The following EDC3 variants were observed in gnomAD, a reference collection of about 807,000 sequenced individuals.
EDC3 encodes the protein enhancer of mRNA-decapping protein 3.
Under a neutral mutation model 41.8 loss-of-function variants are expected in EDC3, and 20 were observed. The ratio of observed to expected loss-of-function variants is 0.48; its 90% confidence interval spans 0.34 to 0.70. The LOEUF (loss-of-function observed/expected upper bound fraction) is 0.70, where lower values mean the gene tolerates loss of function less well. Among genes scored for constraint, EDC3 ranks in the 30% least tolerant of loss-of-function variants. EDC3 has a pLI of 0.01. For synonymous variants in EDC3, 206 were observed against 243.2 expected (o/e 0.85, Z 1.42); for missense variants, 444 against 636.8 (o/e 0.70, Z 3.26).
intron 3 of EDC3, among the ~76,000 whole-genome samples, chr15:74,656,402 TCAAAA>T (rs1169094450): frequency 9.9e-6 from 1 of 100,582 alleles, no homozygotes; most frequent in African/African-American, 3.9e-5. Context: ...AGAATCTGTC[TCAAAA>T]CACACACACA....
chr15:74,655,335 G>GT (rs1325819003), intron 4 of EDC3, among the ~76,000 whole-genome samples: 3 of 152,082 alleles, frequency 2.0e-5, no homozygotes, highest in South Asian at 2.1e-4. Flanking sequence ...ATCTTCAACT[G>GT]TTTTTTTGCA....
chr15:74,662,430 T>C (rs570709728), intron 3 of EDC3, among the ~76,000 whole-genome samples: 37 of 147,064 alleles, frequency 2.5e-4, no homozygotes, highest in African/African-American at 9.2e-4. Flanking sequence ...TATATATATA[T>C]ATATATTTTT....
Position 74,635,161 on chromosome 15 carries a change from G to C in EDC3, c.1192+248C>G, listed in dbSNP as rs777820138. 4.4e-6 allele frequency: 3 copies of C among 681,252 alleles called. No homozygotes were observed. The South Asian group carries it at 4.5e-5, about 10-fold the overall frequency. The allele number at this position is 681,252 out of a possible 1,614,324, so 42.2% of individuals were successfully genotyped here. On this transcript the variant is annotated intron_variant, in intron 6 of 6. Transcript: ENST00000315127. ...GTTGCCATATCCCTAGCATCAGGAAGAGTGCCTGTTCAACGAATATTTGTG... is the reference window on the plus strand; with the variant it reads ...GTTGCCATATCCCTAGCATCAGGAACAGTGCCTGTTCAACGAATATTTGTG...
rs1336561505 is a variant in EDC3 at position 74,631,836 on chromosome 15, G to C, written c.*776C>G. Reference sequence around the variant, plus strand: ...CTCAACCTGCTCAGCTTTGAGGGTGGGGGCGGGCACTGCTGGCAAGATGGG... The same window carrying C: ...CTCAACCTGCTCAGCTTTGAGGGTGCGGGCGGGCACTGCTGGCAAGATGGG... On this transcript the variant is annotated 3_prime_UTR_variant, in exon 7 of 7. Transcript: ENST00000315127. The C allele has an allele frequency of 6.5e-6, 1 of 152,954 alleles. No homozygotes were observed. The highest frequency in any genetic ancestry group is 1.5e-5 in the Non-Finnish European group (1 of 68,416). 9.5% of individuals were successfully genotyped at this position (152,954 alleles called of 1,614,324 possible). A position where few individuals can be genotyped will look rare whatever the true frequency, so the allele number is the denominator to read the frequency against.
chr15:74,633,139 T>C (rs796935241), intron 6 of EDC3, among the ~76,000 whole-genome samples, 193 bp from the exon 7 acceptor site: 3 of 152,326 alleles, frequency 2.0e-5, no homozygotes, highest in African/African-American at 7.2e-5. Context: ...GGCTGAGTGC[T>C]AGAGACCAAG....
At chr15:74,673,440 G>A (rs1387562059) in intron 2 of EDC3, among the ~76,000 whole-genome samples, 4 of 152,084 alleles carry the variant, frequency 2.6e-5, no homozygotes, top group African/African-American at 4.8e-5. Context: ...AAAACATAAC[G>A]AGATTAGCTC....
intron 1 of EDC3, chr15:74,679,672 C>A (rs142287363): frequency 0.054 from 7,994 of 148,408 alleles, 290 homozygotes; most frequent in Non-Finnish European, 0.077. Context: ...GTAATCCCAG[C>A]ACTTTGAGAG....
At chr15:74,633,696 G>T (rs112202404) in intron 6 of EDC3, among the ~76,000 whole-genome samples, 1 of 152,222 alleles carries the variant, frequency 6.6e-6, no homozygotes, top group African/African-American at 2.4e-5. Context: ...CTTAATGGTC[G>T]TTGAGACTTG....
chr15:74,631,064 G>C lies in EDC3; in HGVS notation c.*1548C>G, dbSNP rs752663211. 6.6e-6 allele frequency: 1 copy of C among 152,262 alleles called. No homozygotes were observed. The highest frequency in any genetic ancestry group is 1.5e-5 in the Non-Finnish European group (1 of 68,078). The allele number at this position is 152,262 out of a possible 1,614,324, so 9.4% of individuals were successfully genotyped here. A position where few individuals can be genotyped will look rare whatever the true frequency, so the allele number is the denominator to read the frequency against. Reference sequence around the variant, plus strand: ...AGGCTCAGAGAATACACAGCACAAGGGTTACAGTCCCTGGCCTCTTCCCAT... The same window carrying C: ...AGGCTCAGAGAATACACAGCACAAGCGTTACAGTCCCTGGCCTCTTCCCAT... On this transcript the variant is annotated 3_prime_UTR_variant, in exon 7 of 7. Coordinates refer to ENST00000315127, the MANE Select transcript of EDC3 (RefSeq NM_025083.5).
Position 74,632,397 on chromosome 15 carries a change from C to G in EDC3, c.*215G>C. Reference sequence around the variant, plus strand: ...GGTAGAGATGCCTGGAGTTGCTGCACGCTCAGCCTGCCACCCAGCCCGGAA... The same window carrying G: ...GGTAGAGATGCCTGGAGTTGCTGCAGGCTCAGCCTGCCACCCAGCCCGGAA... On this transcript the variant is annotated 3_prime_UTR_variant, in exon 7 of 7. Transcript: ENST00000315127. The surrounding 1 kb of genome is among the most constrained non-coding windows in gnomAD (Gnocchi z 4.0). 1.6e-6 allele frequency: 1 copy of G among 611,796 alleles called. No individual in the cohort carries two copies. The highest frequency in any genetic ancestry group is 2.8e-6 in the Non-Finnish European group (1 of 352,736). 37.9% of individuals were successfully genotyped at this position (611,796 alleles called of 1,614,324 possible).
In EDC3 at chr15:74,655,754, C is replaced by G. The variant is rs147487761; in HGVS notation, c.799G>C (p.Val267Leu). The G allele has an allele frequency of 6.2e-7, 1 of 1,611,472 alleles. No individual in the cohort carries two copies. The highest frequency in any genetic ancestry group is 8.5e-7 in the Non-Finnish European group (1 of 1,177,802). Residue 267 changes from valine (V) to leucine (L), a missense_variant, in exon 4 of 7, where the codon GTG becomes CTG. Val to Leu is a conservative substitution (Grantham distance 32). Transcript: ENST00000315127. ...TCACCCGTGCAGAACTCCTTGCTCA[C>G]GTTGTGGGGCACTATGATCCGTCGA... ...VYRRIIVPHNVSKEFCTDSGL... is the reference protein window; with the variant it reads ...VYRRIIVPHNLSKEFCTDSGL...
intron 3 of EDC3, among the ~76,000 whole-genome samples, chr15:74,659,429 C>T (rs554854894): frequency 6.6e-6 from 1 of 150,924 alleles, no homozygotes; most frequent in African/African-American, 2.5e-5. Context: ...CATTCCACTC[C>T]AGCCTGGGCA....
At chr15:74,689,051 T>A (rs993696456) in intron 1 of EDC3, among the ~76,000 whole-genome samples, 7 of 152,172 alleles carry the variant, frequency 4.6e-5, no homozygotes, top group Admixed American at 2.6e-4. Flanking sequence ...CATAGTTGGG[T>A]TATTTCTAGT....
intron 6 of EDC3, 73 bp from the exon 7 acceptor site, chr15:74,633,019 G>A (rs531622916): frequency 6.7e-7 from 1 of 1,482,050 alleles, no homozygotes; most frequent in Non-Finnish European, 9.2e-7. Context: ...TAGGGCCCAG[G>A]TCACCCCAAG....
chr15:74,689,563 C>T (rs887997982), intron 1 of EDC3, among the ~76,000 whole-genome samples: 8 of 151,544 alleles, frequency 5.3e-5, no homozygotes, highest in East Asian at 3.9e-4. Context: ...CTCGCTCTTT[C>T]GCCCAGGCCG....
intron 3 of EDC3, among the ~76,000 whole-genome samples, chr15:74,670,010 ATTTTTTTTTT>A (rs757043746): frequency 1.5e-4 from 17 of 116,362 alleles, no homozygotes; most frequent in Admixed American, 2.5e-4. Context: ...CGCCCAGCTA[ATTTTTTTTTT>A]TTTTTTTTTT....
At chr15:74,667,962 T>G (rs1240025480) in intron 3 of EDC3, among the ~76,000 whole-genome samples, 1 of 152,110 alleles carries the variant, frequency 6.6e-6, no homozygotes, top group Non-Finnish European at 1.5e-5. Flanking sequence ...ACTAGATATA[T>G]CCTACTTTAG....
intron 1 of EDC3, among the ~76,000 whole-genome samples, chr15:74,683,043 T>C (rs1020266027): frequency 6.6e-6 from 1 of 151,708 alleles, no homozygotes; most frequent in Admixed American, 6.6e-5. Flanking sequence ...TAAAATAAAA[T>C]ACCCTGTACA....
At chr15:74,675,975 C>T (rs1004811226) in intron 1 of EDC3, among the ~76,000 whole-genome samples, 4 of 151,880 alleles carry the variant, frequency 2.6e-5, no homozygotes, top group African/African-American at 9.7e-5. Context: ...TTCAAGTCTA[C>T]ATAGAATGTT....
Sources: allele counts gnomAD v4.1 joint callset (sites outside exome capture counted in the v4.1 genomes callset), GRCh38; gene constraint gnomAD v4.1.1; non-coding constraint Gnocchi (gnomAD v3.1); transcripts MANE v1.5; gene names NCBI Gene and HGNC (gene_info 2026-07-23, HGNC 2026-07-21).